The following SYNPR variants were observed in gnomAD, a reference collection of about 807,000 sequenced individuals.
SYNPR encodes the protein synaptoporin.
In SYNPR, 23 loss-of-function variants were observed where a neutral mutation model predicts 32.9. The observed-to-expected ratio is 0.70, with a 90% CI of 0.50 to 0.99. The LOEUF (loss-of-function observed/expected upper bound fraction) is 0.99. SYNPR is among the 50% of genes least tolerant of loss of function. The pLI, the probability that SYNPR is intolerant of heterozygous loss-of-function variation, is 0.00. For missense variants in SYNPR, 318 were observed against 349.3 expected (o/e 0.91, Z 0.71); for synonymous variants, 146 against 135.9 (o/e 1.07, Z -0.52).
chr3:63,587,913 A>C (rs1218190121), intron 4 of SYNPR, among the ~76,000 whole-genome samples: 2 of 152,064 alleles, frequency 1.3e-5, no homozygotes, highest in Non-Finnish European at 2.9e-5. Flanking sequence ...AACCATGCAC[A>C]GTCATTTTCT....
chr3:63,557,818 A>T (rs894086909), intron 4 of SYNPR, among the ~76,000 whole-genome samples: 1 of 152,230 alleles, frequency 6.6e-6, no homozygotes, highest in Admixed American at 6.5e-5. Flanking sequence ...AATGAAATTT[A>T]TGCTGAATCA....
At chr3:63,595,731 A>AG (rs1420090735) in intron 4 of SYNPR, among the ~76,000 whole-genome samples, 2 of 25,840 alleles carry the variant, frequency 7.7e-5, no homozygotes, top group African/African-American at 6.6e-4. Flanking sequence ...ATATATATAT[A>AG]TATATATATA....
intron 2 of SYNPR, among the ~76,000 whole-genome samples, chr3:63,344,204 T>TA (rs1414349945): frequency 6.8e-4 from 103 of 152,270 alleles, no homozygotes; most frequent in Non-Finnish European, 3.5e-4. Flanking sequence ...AGCCTGGCAT[T>TA]AAAAAAAGAA....
At chr3:63,490,621 G>A (rs1265201120) in intron 3 of SYNPR, among the ~76,000 whole-genome samples, 1 of 152,082 alleles carries the variant, frequency 6.6e-6, no homozygotes, top group East Asian at 1.9e-4. Flanking sequence ...GTCCAGTCCT[G>A]TTCATTAGTT....
At chr3:63,386,425 G>T (rs1330076280) in intron 2 of SYNPR, among the ~76,000 whole-genome samples, 2 of 152,188 alleles carry the variant, frequency 1.3e-5, no homozygotes, top group Non-Finnish European at 1.5e-5. Context: ...GTAATGAAAA[G>T]GTGTCTGCCT....
intron 2 of SYNPR, among the ~76,000 whole-genome samples, chr3:63,384,783 A>G (rs1326063595): frequency 6.6e-6 from 1 of 152,234 alleles, no homozygotes; most frequent in African/African-American, 2.4e-5. Context: ...CCTATGAGTT[A>G]GTTGTTTTTA....
chr3:63,375,367 T>A (rs1426446342), intron 2 of SYNPR, among the ~76,000 whole-genome samples: 1 of 152,130 alleles, frequency 6.6e-6, no homozygotes, highest in Non-Finnish European at 1.5e-5. Flanking sequence ...ATGGCACATA[T>A]ACACCATGGA....
At chr3:63,518,412 A>T (rs1701839477) in intron 3 of SYNPR, among the ~76,000 whole-genome samples, 1 of 152,052 alleles carries the variant, frequency 6.6e-6, no homozygotes, top group Admixed American at 6.6e-5. Context: ...ATGGGCTCTA[A>T]CTGTGTCCCA....
the SYNPR span, among the ~76,000 whole-genome samples, chr3:63,211,565 G>T: frequency 4.6e-5 from 7 of 152,040 alleles, no homozygotes; most frequent in Admixed American, 1.3e-4. Flanking sequence ...CATCTGCCTC[G>T]GTAGATGACA....
chr3:63,600,693 C>T (rs183567821), intron 4 of SYNPR, among the ~76,000 whole-genome samples: 2 of 152,188 alleles, frequency 1.3e-5, no homozygotes, highest in East Asian at 1.9e-4. Flanking sequence ...CTGGCATTTC[C>T]CCTGCTTTCA....
chr3:63,398,472 G>A (rs1259993334), intron 2 of SYNPR, among the ~76,000 whole-genome samples: 1 of 152,016 alleles, frequency 6.6e-6, no homozygotes, highest in East Asian at 1.9e-4. Flanking sequence ...TGTAATCCCA[G>A]CACTTTGGGA....
chr3:63,442,377 G>C (rs1575646141), intron 2 of SYNPR, among the ~76,000 whole-genome samples: 1 of 152,240 alleles, frequency 6.6e-6, no homozygotes, highest in East Asian at 1.9e-4. Context: ...CGCACCGAGT[G>C]GGGACCCAAA....
intron 2 of SYNPR, among the ~76,000 whole-genome samples, chr3:63,257,380 C>G (rs971341419): frequency 6.6e-6 from 1 of 152,210 alleles, no homozygotes; most frequent in African/African-American, 2.4e-5. Context: ...TCAGCAGAAA[C>G]TCTACAAGCC....
chr3:63,416,921 A>C (rs915725085), intron 2 of SYNPR, among the ~76,000 whole-genome samples: 1 of 152,154 alleles, frequency 6.6e-6, no homozygotes, highest in Admixed American at 6.5e-5. Flanking sequence ...TTAGGTGGGG[A>C]CACAGCCAAA....
At chr3:63,326,318 C>G (rs1412180243) in intron 2 of SYNPR, among the ~76,000 whole-genome samples, 5 of 114,528 alleles carry the variant, frequency 4.4e-5, no homozygotes, top group Non-Finnish European at 5.7e-5. Context: ...ACCCAACAGA[C>G]AGCAGAGGCT....
intron 2 of SYNPR, among the ~76,000 whole-genome samples, chr3:63,338,426 G>C (rs1052720871): frequency 2.6e-5 from 4 of 152,074 alleles, no homozygotes; most frequent in Non-Finnish European, 4.4e-5. Flanking sequence ...TTCCCCTTTG[G>C]ACATCTTCAA....
intron 4 of SYNPR, among the ~76,000 whole-genome samples, chr3:63,598,313 G>C (rs541765166): frequency 2.0e-5 from 3 of 152,048 alleles, no homozygotes; most frequent in African/African-American, 7.2e-5. Flanking sequence ...CTATACCCCA[G>C]GGTGATCCCA....
At chr3:63,453,930 A>T (rs1700429869) in intron 2 of SYNPR, among the ~76,000 whole-genome samples, 1 of 152,180 alleles carries the variant, frequency 6.6e-6, no homozygotes, top group South Asian at 2.1e-4. Context: ...CTTTTAAATT[A>T]TCTGTATTAT....
chr3:63,397,779 A>T (rs2088236037), intron 2 of SYNPR, among the ~76,000 whole-genome samples: 2 of 152,338 alleles, frequency 1.3e-5, no homozygotes, highest in Admixed American at 1.3e-4. Flanking sequence ...ATCTCATCTG[A>T]AAAATGGAGA....
Sources: gnomAD v4.1 joint callset for allele counts (sites outside exome capture counted in the v4.1 genomes callset) on GRCh38, gnomAD v4.1.1 for gene constraint, MANE v1.5 for transcripts, NCBI Gene and HGNC (gene_info 2026-07-23, HGNC 2026-07-21) for gene names.